The following ANXA10 variants were observed in gnomAD, a reference collection of about 807,000 sequenced individuals.
ANXA10 encodes annexin 14.
ANXA10 carries 49 observed loss-of-function variants against 53.5 expected under a neutral mutation model. The ratio of observed to expected loss-of-function variants is 0.92; its 90% CI spans 0.73 to 1.16. The LOEUF is 1.16. ANXA10 is among the 50% of genes most tolerant of loss of function. ANXA10 has a pLI of 0.00. For synonymous variants in ANXA10, 131 were observed against 128.9 expected, an observed-to-expected ratio of 1.02 and a Z score of -0.11; for missense variants, 393 against 394.4, an observed-to-expected ratio of 1.00 and a Z score of 0.03.
At chr4:168,112,030 A>T (rs1405533073) in intron 1 of ANXA10, among the ~76,000 whole-genome samples, 2 of 152,198 alleles carry the variant, frequency 1.3e-5, no homozygotes. Context: ...AGTGGCTCAC[A>T]TCTGTACTCC....
At chr4:168,161,277 T>C (rs545114609) in intron 3 of ANXA10, among the ~76,000 whole-genome samples, 1 of 152,326 alleles carries the variant, frequency 6.6e-6, no homozygotes, top group South Asian at 2.1e-4. Context: ...TTTCTGCATA[T>C]AACTAGACAC....
chr4:168,179,648 C>G (rs1732201729), intron 9 of ANXA10, among the ~76,000 whole-genome samples: 1 of 152,148 alleles, frequency 6.6e-6, no homozygotes, highest in African/African-American at 2.4e-5. Flanking sequence ...ACTTCCATTC[C>G]CTTGTCCAAG....
chr4:168,172,971 G>A (rs1278691071), intron 6 of ANXA10, among the ~76,000 whole-genome samples: 2 of 151,960 alleles, frequency 1.3e-5, no homozygotes, highest in Non-Finnish European at 2.9e-5. Flanking sequence ...TGTATTTTTA[G>A]TAGAGACGGG....
intron 3 of ANXA10, among the ~76,000 whole-genome samples, chr4:168,153,041 G>A (rs892369192): frequency 5.3e-5 from 8 of 151,744 alleles, no homozygotes; most frequent in Admixed American, 1.3e-4. Flanking sequence ...ACGGGGCTTC[G>A]CCATCCTGCC....
chr4:168,139,032 A>C (rs1449173862), intron 2 of ANXA10, among the ~76,000 whole-genome samples: 1 of 152,156 alleles, frequency 6.6e-6, no homozygotes, highest in South Asian at 2.1e-4. Context: ...GTAAGATCAT[A>C]TCATCAGCAA....
chr4:168,156,169 T>TAAAA (rs1731660908), intron 3 of ANXA10, among the ~76,000 whole-genome samples: 1 of 29,670 alleles, frequency 3.4e-5, no homozygotes, highest in Non-Finnish European at 5.5e-5. Flanking sequence ...ATATTATATA[T>TAAAA]ATTATATTAT....
intron 3 of ANXA10, among the ~76,000 whole-genome samples, chr4:168,154,974 G>T (rs1366455326): frequency 6.6e-6 from 1 of 151,978 alleles, no homozygotes; most frequent in Non-Finnish European, 1.5e-5. Context: ...GGGCCTCATG[G>T]TATACCCTTT....
chr4:168,181,335 G>A (rs1178516995), intron 9 of ANXA10, among the ~76,000 whole-genome samples: 2 of 148,322 alleles, frequency 1.3e-5, no homozygotes, highest in African/African-American at 5.0e-5. Context: ...AGCTTGCAGT[G>A]AGCCGAGATT....
intron 1 of ANXA10, among the ~76,000 whole-genome samples, chr4:168,117,954 C>A (rs1227958306): frequency 6.6e-6 from 1 of 151,870 alleles, no homozygotes; most frequent in African/African-American, 2.4e-5. Flanking sequence ...CTCCCTCACA[C>A]TGGGACCATG....
At chr4:168,150,344 A>G (rs1731476373) in intron 3 of ANXA10, among the ~76,000 whole-genome samples, 1 of 152,224 alleles carries the variant, frequency 6.6e-6, no homozygotes, top group African/African-American at 2.4e-5. Flanking sequence ...AAATGAAGCT[A>G]TTCGAAAGAA....
chr4:168,096,072 G>A (rs75176969), intron 1 of ANXA10, among the ~76,000 whole-genome samples: 2,288 of 152,232 alleles, frequency 0.015, 55 homozygotes, highest in African/African-American at 0.048. Flanking sequence ...ATTACATGTA[G>A]TGAAGGAAAA....
At chr4:168,144,971 T>C (rs560962447) in intron 3 of ANXA10, among the ~76,000 whole-genome samples, 2 of 152,260 alleles carry the variant, frequency 1.3e-5, no homozygotes, top group African/African-American at 4.8e-5. Flanking sequence ...AATCAGTCTC[T>C]CCAAAAACTT....
intron 1 of ANXA10, among the ~76,000 whole-genome samples, chr4:168,107,310 G>A (rs1039656950): frequency 6.6e-6 from 1 of 152,138 alleles, no homozygotes; most frequent in Non-Finnish European, 1.5e-5. Flanking sequence ...AGCAATTTAA[G>A]TGTTTAGAGA....
chr4:168,155,748 A>C (rs1412515178), intron 3 of ANXA10, among the ~76,000 whole-genome samples: 1 of 53,576 alleles, frequency 1.9e-5, no homozygotes, highest in Non-Finnish European at 3.1e-5. Flanking sequence ...ATCATATATT[A>C]TATATTATAT....
At chr4:168,137,309 C>T (rs533953587) in intron 2 of ANXA10, among the ~76,000 whole-genome samples, 11 of 152,140 alleles carry the variant, frequency 7.2e-5, no homozygotes, top group East Asian at 1.9e-4. Flanking sequence ...TTAAGGGGTA[C>T]GAGTGCAGAT....
intron 1 of ANXA10, among the ~76,000 whole-genome samples, chr4:168,106,390 C>A (rs1730720558): frequency 6.6e-6 from 1 of 152,052 alleles, no homozygotes; most frequent in African/African-American, 2.4e-5. Flanking sequence ...TTAAGCTAGG[C>A]ATTTCTAATT....
At chr4:168,178,746 T>A (rs757736931) in intron 8 of ANXA10, among the ~76,000 whole-genome samples, 3 of 152,198 alleles carry the variant, frequency 2.0e-5, no homozygotes, top group Non-Finnish European at 2.9e-5. Flanking sequence ...AACCCTAGTC[T>A]ACACCCAAAA....
chr4:168,107,677 T>G (rs189119317), intron 1 of ANXA10, among the ~76,000 whole-genome samples: 169 of 152,234 alleles, frequency 1.1e-3, no homozygotes, highest in Admixed American at 1.8e-3. Flanking sequence ...GTCAGCAAAT[T>G]CGGTGTCTGC....
chr4:168,124,894 G>T (rs1731043671), intron 1 of ANXA10, among the ~76,000 whole-genome samples: 1 of 152,140 alleles, frequency 6.6e-6, no homozygotes, highest in South Asian at 2.1e-4. Flanking sequence ...CAGCTTATCA[G>T]ATATAACTCA....
Sources: gnomAD v4.1 joint callset for allele counts (sites outside exome capture counted in the v4.1 genomes callset) on GRCh38, gnomAD v4.1.1 for gene constraint, MANE v1.5 for transcripts, NCBI Gene and HGNC (gene_info 2026-07-23, HGNC 2026-07-21) for gene names.